The following GPBP1 variants were observed in gnomAD, a reference collection of about 807,000 sequenced individuals.
The protein encoded by GPBP1 is GC-rich promoter binding protein 1, also known as vasculin.
A neutral mutation model predicts 56.5 loss-of-function variants in GPBP1; 13 were observed. That is an observed-to-expected ratio of 0.23 (90% confidence interval 0.15 to 0.37). GPBP1 has a LOEUF of 0.37. Among genes scored for constraint, GPBP1 ranks in the 10% least tolerant of loss-of-function variants. The probability of loss-of-function intolerance (pLI) is 1.00; values close to 1 mark genes in which losing one functional copy is unlikely to be tolerated. For missense variants in GPBP1, 477 were observed against 572.3 expected (o/e 0.83, Z 1.70); for synonymous variants, 204 against 188.9 (o/e 1.08, Z -0.66).
intron 10 of GPBP1, 99 bp from the exon 11 acceptor site, chr5:57,261,081 A>G (rs1741875638): frequency 2.6e-6 from 2 of 774,338 alleles, no homozygotes; most frequent in Non-Finnish European, 4.4e-6. Context: ...TCTTTGTATA[A>G]TGGATCCTGG....
intron 9 of GPBP1, 119 bp downstream of exon 9, chr5:57,249,695 A>G (rs1218808627): frequency 5.2e-6 from 4 of 774,574 alleles, no homozygotes; most frequent in Non-Finnish European, 7.7e-6. Flanking sequence ...TTGGAAAGCC[A>G]TTTGCATAAA....
At chr5:57,223,161 A>G (rs962560528) in intron 3 of GPBP1, among the ~76,000 whole-genome samples, 1 of 151,940 alleles carries the variant, frequency 6.6e-6, no homozygotes, top group Non-Finnish European at 1.5e-5. Context: ...CCTCTTAGAG[A>G]CAGGGTCTCA....
intron 2 of GPBP1, among the ~76,000 whole-genome samples, chr5:57,205,384 G>GT (rs1041393969): frequency 2.0e-5 from 3 of 152,210 alleles, no homozygotes; most frequent in African/African-American, 7.2e-5. Context: ...TTGAACACTG[G>GT]TGTACAACAA....
intron 6 of GPBP1, among the ~76,000 whole-genome samples, chr5:57,244,864 G>C (rs1201016933): frequency 2.0e-5 from 3 of 151,070 alleles, no homozygotes; most frequent in African/African-American, 7.3e-5. Flanking sequence ...CTCCCGAGTA[G>C]CTGGGATTAT....
intron 3 of GPBP1, among the ~76,000 whole-genome samples, chr5:57,228,848 T>C (rs900625973): frequency 6.6e-6 from 1 of 150,862 alleles, no homozygotes; most frequent in African/African-American, 2.4e-5. Flanking sequence ...ATGACAAATA[T>C]AAGTATAGAT....
intron 3 of GPBP1, among the ~76,000 whole-genome samples, chr5:57,229,342 A>G (rs562845989): frequency 1.3e-5 from 2 of 149,530 alleles, no homozygotes; most frequent in African/African-American, 4.9e-5. Context: ...CTTTGTTCTA[A>G]TCTTGCATTT....
chr5:57,250,682 A>G (rs1741342336), intron 9 of GPBP1, among the ~76,000 whole-genome samples: 1 of 151,954 alleles, frequency 6.6e-6, no homozygotes, highest in Non-Finnish European at 1.5e-5. Context: ...AGCTAGGACT[A>G]CAGGCGTGTA....
At chr5:57,216,389 T>G (rs573340818) in intron 3 of GPBP1, among the ~76,000 whole-genome samples, 13 of 152,114 alleles carry the variant, frequency 8.5e-5, no homozygotes, top group Non-Finnish European at 1.6e-4. Context: ...CAATTGAGTT[T>G]TAGTCTGAAC....
intron 3 of GPBP1, among the ~76,000 whole-genome samples, chr5:57,226,645 C>T (rs752434139): frequency 1.1e-4 from 17 of 148,518 alleles, no homozygotes; most frequent in Admixed American, 1.3e-4. Flanking sequence ...CTGCAGCCTC[C>T]GCCTGCTGGG....
At chr5:57,208,245 C>T (rs988189233) in intron 2 of GPBP1, among the ~76,000 whole-genome samples, 3 of 152,112 alleles carry the variant, frequency 2.0e-5, no homozygotes, top group Admixed American at 1.3e-4. Flanking sequence ...CCTTGCCTCC[C>T]TCCATATCAA....
chr5:57,216,366 C>T (rs1481136861), intron 3 of GPBP1, among the ~76,000 whole-genome samples: 1 of 152,144 alleles, frequency 6.6e-6, no homozygotes, highest in Non-Finnish European at 1.5e-5. Context: ...AGCTCAAGTG[C>T]TGCAGACTCT....
At chr5:57,248,535 C>T (rs1159576356) in intron 8 of GPBP1, among the ~76,000 whole-genome samples, 2 of 150,002 alleles carry the variant, frequency 1.3e-5, no homozygotes, top group African/African-American at 4.9e-5. Context: ...TCACGCCATT[C>T]TCCTGCCTCA....
At chr5:57,180,150 T>C (rs906632703) in intron 2 of GPBP1, among the ~76,000 whole-genome samples, 2 of 152,204 alleles carry the variant, frequency 1.3e-5, no homozygotes, top group African/African-American at 2.4e-5. Context: ...GGAGTTTTGC[T>C]GTCACCCAGG....
intron 3 of GPBP1, among the ~76,000 whole-genome samples, chr5:57,220,161 T>TA (rs1022061015): frequency 1.0e-4 from 15 of 149,644 alleles, no homozygotes; most frequent in Admixed American, 2.7e-4. Context: ...TTTAAAAAAT[T>TA]AAAAAAAAAA....
At chr5:57,206,596 A>G (rs1033769264) in intron 2 of GPBP1, among the ~76,000 whole-genome samples, 3 of 151,646 alleles carry the variant, frequency 2.0e-5, no homozygotes. Flanking sequence ...CTGGTCTCGG[A>G]CTCCTGACCT....
intron 2 of GPBP1, among the ~76,000 whole-genome samples, chr5:57,190,947 C>T (rs907591695): frequency 1.3e-5 from 2 of 151,830 alleles, no homozygotes; most frequent in Admixed American, 6.6e-5. Context: ...TTGCCTTGAA[C>T]TCTAGGTAAA....
chr5:57,214,358 G>C (rs1403482069), intron 3 of GPBP1, among the ~76,000 whole-genome samples, 165 bp downstream of exon 3: 1 of 152,152 alleles, frequency 6.6e-6, no homozygotes, highest in African/African-American at 2.4e-5. Context: ...GGCTGAGGTG[G>C]GTGGATCACC....
chr5:57,220,873 T>A (rs1580028184), intron 3 of GPBP1, among the ~76,000 whole-genome samples: 1 of 152,050 alleles, frequency 6.6e-6, no homozygotes, highest in Non-Finnish European at 1.5e-5. Context: ...GTCTTATTCT[T>A]TCTCAGAATC....
At chr5:57,247,264 T>C (rs1741137463) in intron 8 of GPBP1, 49 bp downstream of exon 8, 4 of 1,459,712 alleles carry the variant, frequency 2.7e-6, no homozygotes, top group Admixed American at 1.9e-5. Context: ...TTAATTATGA[T>C]AGTTTAACAG....
Sources: gnomAD v4.1 joint callset for allele counts (sites outside exome capture counted in the v4.1 genomes callset) on GRCh38, gnomAD v4.1.1 for gene constraint, MANE v1.5 for transcripts, NCBI Gene and HGNC (gene_info 2026-07-23, HGNC 2026-07-21) for gene names.